NF1: variants seen among roughly 807,000 people sequenced by gnomAD.
NF1 encodes the protein neurofibromin.
NF1 carries 122 observed loss-of-function variants against 325.7 expected under a neutral mutation model. The observed-to-expected ratio is 0.37, with a 90% CI of 0.32 to 0.44. The LOEUF (loss-of-function observed/expected upper bound fraction) is 0.44. NF1 is among the 20% of genes least tolerant of loss of function. NF1 has a pLI of 1.00. For synonymous variants in NF1, 1,091 were observed against 1,186.0 expected (o/e 0.92, Z 1.65); for missense variants, 2,140 against 3,415.4 (o/e 0.63, Z 9.31).
rs864622065 is a variant in NF1, at chr17:31,340,629, G to T, written c.7046G>T (p.Arg2349Leu). The T allele has an allele frequency of 3.1e-6, 5 of 1,613,944 alleles. No homozygotes were observed. The East Asian group carries it at 8.9e-5, about 29-fold the overall frequency. The change falls in exon 47 of 58, where the codon CGT becomes CTT. Residue 2349 changes from arginine (R) to leucine (L), a missense_variant. Around this residue, in one of 10 missense-constraint regions of NF1, gnomAD observed 522 missense variants for 749.0 expected, o/e 0.70. Transcript: ENST00000358273. ...EQNLHTLDSL[R>L]IFNDKSPEEV... ...AACCTGCATACTTTAGATAGTCTCC[G>T]TATATTCAATGACAAGGTAAGCAAA...
chr17:31,134,199 T>G (rs1003091053), intron 1 of NF1, among the ~76,000 whole-genome samples: 19 of 152,164 alleles, frequency 1.2e-4, no homozygotes, highest in African/African-American at 4.3e-4. Flanking sequence ...ACTTTTAGAG[T>G]TATATTTAAG....
At chr17:31,250,094 T>C (rs2067469415) in intron 30 of NF1, 11 of 447,950 alleles carry the variant, frequency 2.5e-5, no homozygotes, top group Non-Finnish European at 4.8e-5. Flanking sequence ...TTTAAAGATG[T>C]ATCTGTTCTA....
intron 1 of NF1, among the ~76,000 whole-genome samples, chr17:31,154,877 T>TTC (rs1328291577): frequency 6.6e-6 from 1 of 151,798 alleles, no homozygotes; most frequent in Non-Finnish European, 1.5e-5. Context: ...GTAGCTTGGA[T>TTC]TACAGGCACG....
chr17:31,371,141 A>C (rs191395240), intron 57 of NF1, among the ~76,000 whole-genome samples: 2 of 152,322 alleles, frequency 1.3e-5, no homozygotes, highest in African/African-American at 2.4e-5. Context: ...GGAAGTGTTC[A>C]GTTCATTCAG....
chr17:31,249,876 CT>C, intron 30 of NF1: 1 of 461,354 alleles, frequency 2.2e-6, no homozygotes, highest in African/African-American at 2.0e-5. Flanking sequence ...ATTAGTGGGT[CT>C]GGAATTTGGG....
At chr17:31,215,320 A>G (rs1302381902) in intron 13 of NF1, among the ~76,000 whole-genome samples, 1 of 152,168 alleles carries the variant, frequency 6.6e-6, no homozygotes, top group African/African-American at 2.4e-5. Context: ...ACTGCCTCAG[A>G]TGATATTAAA....
chr17:31,349,050 A>T (rs2151572203), intron 48 of NF1, 70 bp from the exon 49 acceptor site: 1 of 1,529,840 alleles, frequency 6.5e-7, no homozygotes, highest in East Asian at 2.5e-5. Context: ...AGGGAAGAAG[A>T]CCTCAGCAGA....
chr17:31,345,130 A>C (rs2069937561), intron 48 of NF1, among the ~76,000 whole-genome samples: 1 of 152,154 alleles, frequency 6.6e-6, no homozygotes, highest in Admixed American at 6.5e-5. Flanking sequence ...CTTAAAAGAC[A>C]AGAAAAGAAA....
intron 36 of NF1, among the ~76,000 whole-genome samples, chr17:31,292,439 T>C (rs1044466130): frequency 1.3e-5 from 2 of 152,196 alleles, no homozygotes; most frequent in Non-Finnish European, 2.9e-5. Context: ...TCAGTATATC[T>C]GGGGGATTGG....
intron 2 of NF1, 80 bp downstream of exon 2, chr17:31,156,206 A>T (rs1484803487): frequency 8.7e-6 from 13 of 1,499,654 alleles, no homozygotes; most frequent in African/African-American, 8.3e-5. Flanking sequence ...GCATATTTTG[A>T]AGTATGGAAA....
rs1555609000 is a variant in NF1, at chr17:31,182,671, G to A, written c.888+6G>A. On this transcript the variant is annotated splice_donor_region_variant and intron_variant, in intron 8 of 57. Transcript: ENST00000358273. Reference sequence around the variant, plus strand: ...ATGAAAACAACATGAATAAGGTAAGGAGGGCAAAATTATTTCCATTATATC... The same window carrying A: ...ATGAAAACAACATGAATAAGGTAAGAAGGGCAAAATTATTTCCATTATATC... 1 of 1,611,756 alleles carries A rather than the reference G, an allele frequency of 6.2e-7. No individual in the cohort carries two copies. Among genetic ancestry groups the A allele is most frequent in the South Asian group, 1.1e-5 (1 of 90,768 alleles).
chr17:31,296,522 T>C lies in NF1; in HGVS notation c.4836-29298T>C, dbSNP rs572162103. The C allele has an allele frequency of 1.6e-4, 98 of 626,216 alleles. 2 individuals are homozygous for C. Among genetic ancestry groups the C allele is most frequent in the South Asian group, 3.7e-4 (21 of 56,442 alleles). The allele number at this position is 626,216 out of a possible 1,614,324, so 38.8% of individuals were successfully genotyped here. A position where few individuals can be genotyped will look rare whatever the true frequency, so the allele number is the denominator to read the frequency against. ...ATAGTCCAAATGCTTAATCCTTCAA[T>C]TGGGCTATGTGGTAGAGAGAGACTC... On this transcript the variant is annotated intron_variant, in intron 36 of 57. Transcript: ENST00000358273.
chr17:31,272,172 C>T (rs2067912380), intron 36 of NF1: 2 of 152,112 alleles, frequency 1.3e-5, no homozygotes, highest in African/African-American at 4.8e-5. Flanking sequence ...TGATATTTTC[C>T]TAGCATGCTT....
chr17:31,275,815 C>A (rs557321765), intron 36 of NF1, among the ~76,000 whole-genome samples: 1 of 152,278 alleles, frequency 6.6e-6, no homozygotes, highest in African/African-American at 2.4e-5. Context: ...ACTAAATCTT[C>A]CACCATATTC....
At chr17:31,193,476 A>ATG (rs1427933420) in intron 8 of NF1, among the ~76,000 whole-genome samples, 4 of 152,180 alleles carry the variant, frequency 2.6e-5, no homozygotes, top group Non-Finnish European at 5.9e-5. Context: ...CCCAGCTTGA[A>ATG]TGTACCATAT....
intron 51 of NF1, 113 bp downstream of exon 51, chr17:31,352,527 A>G: frequency 1.9e-6 from 2 of 1,058,912 alleles, no homozygotes; most frequent in Non-Finnish European, 2.7e-6. Context: ...ATGTCAGTGT[A>G]GCAAAGTTTT....
At position 31,229,981 on chromosome 17, in the gene NF1, A is replaced by T. The variant is rs1555614465; in HGVS notation, c.2990+7A>T. 1.9e-6 allele frequency: 3 copies of T among 1,611,732 alleles called. No individual in the cohort carries two copies. In the East Asian group the frequency reaches 6.7e-5, roughly 36 times the overall value. On this transcript the variant is annotated splice_region_variant and intron_variant, in intron 22 of 57. Coordinates refer to ENST00000358273, the MANE Select transcript of NF1 (RefSeq NM_001042492.3). The stretch of plus-strand genomic sequence containing the variant: ...TGATGTTAAATCTGGTCAGGTAAGC[A>T]TTCTACTGAAATGTAGCAGAAACAT...
chr17:31,335,934 C>G (rs576032732), intron 40 of NF1, among the ~76,000 whole-genome samples: 15 of 150,690 alleles, frequency 1.0e-4, no homozygotes, highest in Admixed American at 2.7e-4. Flanking sequence ...TCAAGCAATC[C>G]GCCCGCCTCA....
At chr17:31,174,072 C>A (rs2065977139) in intron 5 of NF1, among the ~76,000 whole-genome samples, 1 of 152,184 alleles carries the variant, frequency 6.6e-6, no homozygotes, top group Non-Finnish European at 1.5e-5. Context: ...AAACCTTTAT[C>A]CCTTCATTAA....
Sources: allele counts gnomAD v4.1 joint callset (sites outside exome capture counted in the v4.1 genomes callset), GRCh38; gene constraint gnomAD v4.1.1; regional missense constraint gnomAD v4.1.1; transcripts MANE v1.5; gene names NCBI Gene and HGNC (gene_info 2026-07-23, HGNC 2026-07-21).